The following ZNF469 variants were observed in gnomAD, a reference collection of about 807,000 sequenced individuals.
The protein encoded by ZNF469 is zinc finger protein 469.
In ZNF469, 1 loss-of-function variant was observed where a neutral mutation model predicts 1.0. That is an observed-to-expected ratio of 1.00 (90% CI 0.35 to 4.73). The LOEUF is 4.73. Ranked by LOEUF, ZNF469 falls within the 30% of genes most tolerant of loss-of-function variation. The pLI is 0.16. For missense variants in ZNF469, 6,100 were observed against 5,356.3 expected (o/e 1.14, Z -4.33); for synonymous variants, 2,703 against 2,363.4 (o/e 1.14, Z -4.17).
At chr16:88,136,603 G>A in the ZNF469 span, among the ~76,000 whole-genome samples, 1 of 152,218 alleles carries the variant, frequency 6.6e-6, no homozygotes, top group Non-Finnish European at 1.5e-5. Context: ...CGTGGGCCCC[G>A]CCCGTGGGGG....
the ZNF469 span, among the ~76,000 whole-genome samples, chr16:88,233,033 C>T: frequency 9.9e-5 from 15 of 152,156 alleles, no homozygotes; most frequent in Admixed American, 8.5e-4. Context: ...GATCCTCAGG[C>T]GCTGGCTCAG....
rs532123606 is a variant in ZNF469 at position 88,428,466 on chromosome 16, C to T, written c.996C>T (p.Pro332=). Residue 332 remains proline, a synonymous_variant, in exon 3 of 3, where the codon CCC becomes CCT. Transcript: ENST00000565624. ...ACCCGCTGCCCACCCAGCCTGCGCC[C>T]TCACCCCTGCCCTGCTACCAGGGCC... ...PAYPLPTQPA[P]SPLPCYQGQP... 1 of 1,549,030 alleles carries T rather than the reference C, an allele frequency of 6.5e-7. No individual in the cohort carries two copies. The highest frequency in any genetic ancestry group is 1.2e-5 in the South Asian group (1 of 84,040).
At chr16:88,301,704 G>T in the ZNF469 span, among the ~76,000 whole-genome samples, 1 of 152,220 alleles carries the variant, frequency 6.6e-6, no homozygotes, top group Non-Finnish European at 1.5e-5. Context: ...CCACTGGTAT[G>T]GGGCAGGGCC....
the ZNF469 span, among the ~76,000 whole-genome samples, chr16:88,208,847 G>T: frequency 6.9e-6 from 1 of 144,112 alleles, no homozygotes; most frequent in African/African-American, 2.6e-5. Context: ...ACATACATGA[G>T]CCACGAGCTC....
the ZNF469 span, among the ~76,000 whole-genome samples, chr16:88,162,575 GT>G: frequency 6.6e-6 from 1 of 152,120 alleles, no homozygotes; most frequent in Admixed American, 6.5e-5. Context: ...AAATAGAACT[GT>G]TTTATAAGTC....
chr16:88,325,940 G>A, the ZNF469 span, among the ~76,000 whole-genome samples: 3 of 152,234 alleles, frequency 2.0e-5, no homozygotes, highest in African/African-American at 7.2e-5. Context: ...TGTACACTGT[G>A]AGCAATAGAG....
the ZNF469 span, among the ~76,000 whole-genome samples, chr16:88,247,547 A>AGTG: frequency 7.1e-4 from 107 of 150,840 alleles, no homozygotes; most frequent in Middle Eastern, 0.011. Context: ...TGAATGAGTG[A>AGTG]ATGAATGAGT....
At chr16:88,413,149 C>G (rs1321831363) in intron 1 of ZNF469, among the ~76,000 whole-genome samples, 1 of 152,220 alleles carries the variant, frequency 6.6e-6, no homozygotes, top group African/African-American at 2.4e-5. Flanking sequence ...GTGCGTAAAG[C>G]TAATTAAAAT....
At chr16:88,243,721 GGATGGGTGGATA>G in the ZNF469 span, among the ~76,000 whole-genome samples, 2 of 150,850 alleles carry the variant, frequency 1.3e-5, no homozygotes, top group East Asian at 2.0e-4. Flanking sequence ...ATAAATGGGT[GGATGGGTGGATA>G]GATGGGTGGA....
At position 88,429,561 on chromosome 16, in the gene ZNF469, G is replaced by C; in HGVS notation, c.2091G>C (p.Val697=). ...ETPFPHEGPE[V]GRGGLQGFPR... is the part of the protein sequence containing the mutation. ...CATTCCCCCACGAGGGCCCCGAGGT[G>C]GGTCGGGGAGGGCTGCAGGGCTTCC... Residue 697 remains valine, a synonymous_variant, in exon 3 of 3, where the codon GTG becomes GTC. Transcript: ENST00000565624. 1 of 1,550,104 alleles carries C rather than the reference G, an allele frequency of 6.5e-7. No individual in the cohort carries two copies. The highest frequency in any genetic ancestry group is 1.4e-5 in the African/African-American group (1 of 73,168).
At chr16:88,212,707 A>C in the ZNF469 span, among the ~76,000 whole-genome samples, 1 of 152,176 alleles carries the variant, frequency 6.6e-6, no homozygotes, top group Admixed American at 6.5e-5. Context: ...TAGCCTCCCA[A>C]GTAGCTAAGA....
the ZNF469 span, among the ~76,000 whole-genome samples, chr16:88,352,416 G>A: frequency 1.3e-5 from 2 of 152,226 alleles, no homozygotes; most frequent in Non-Finnish European, 2.9e-5. Flanking sequence ...AGGGCCTTTT[G>A]GAGGGTGCTG....
At chr16:88,216,067 G>T in the ZNF469 span, among the ~76,000 whole-genome samples, 1 of 151,134 alleles carries the variant, frequency 6.6e-6, no homozygotes, top group African/African-American at 2.4e-5. Flanking sequence ...TTTTTTTTTG[G>T]TACAGATTTT....
At chr16:88,393,784 G>T (rs1904554428) in intron 1 of ZNF469, among the ~76,000 whole-genome samples, 1 of 152,258 alleles carries the variant, frequency 6.6e-6, no homozygotes, top group African/African-American at 2.4e-5. Context: ...GCCAGGGCCG[G>T]TGTGCGACGG....
chr16:88,189,354 A>C, the ZNF469 span, among the ~76,000 whole-genome samples: 1 of 151,976 alleles, frequency 6.6e-6, no homozygotes, highest in African/African-American at 2.4e-5. This position sits in a 1 kb window ranked among gnomAD's most constrained non-coding sequence, Gnocchi z 4.3. Context: ...GTTCTTCCCA[A>C]CCGGGGTCTC....
the ZNF469 span, among the ~76,000 whole-genome samples, chr16:88,374,267 G>C: frequency 6.6e-6 from 1 of 152,344 alleles, no homozygotes; most frequent in African/African-American, 2.4e-5. Context: ...CAAGGAGGCA[G>C]CATAGAGGAG....
At position 88,439,271 on chromosome 16, in the gene ZNF469, A is replaced by C; in HGVS notation, c.11801A>C (p.Gln3934Pro). 6.4e-7 allele frequency: 1 copy of C among 1,550,498 alleles called. No homozygotes were observed. The highest frequency in any genetic ancestry group is 8.7e-7 in the Non-Finnish European group (1 of 1,147,004). ...GAGGCCCAGAGTGACCTCCTCAGCC[A>C]GCTCTTCGGGCAGAGACTAACTGGC... Reference protein sequence around the residue: ...TAEAQSDLLSQLFGQRLTGFK... With the variant: ...TAEAQSDLLSPLFGQRLTGFK... Residue 3934 changes from glutamine (Q) to proline (P), a missense_variant, in exon 3 of 3, where the codon CAG (glutamine) becomes CCG (proline). Transcript: ENST00000565624.
the ZNF469 span, among the ~76,000 whole-genome samples, chr16:88,144,790 C>T: frequency 2.6e-5 from 4 of 152,052 alleles, no homozygotes; most frequent in African/African-American, 7.2e-5. Context: ...GTTTGCTAGA[C>T]GTGTCCATAT....
At position 88,431,040 on chromosome 16, in the gene ZNF469, G is replaced by C; in HGVS notation, c.3570G>C (p.Lys1190Asn). 6.5e-7 allele frequency: 1 copy of C among 1,547,822 alleles called. No individual in the cohort carries two copies. The highest frequency in any genetic ancestry group is 2.0e-5 in the Admixed American group (1 of 50,990). Residue 1190 changes from lysine to asparagine, a missense_variant, in exon 3 of 3, where the codon AAG becomes AAC. Physicochemically the swap from Lys to Asn is moderately conservative, Grantham distance 94. Coordinates refer to ENST00000565624, the MANE Select transcript of ZNF469 (RefSeq NM_001367624.2). ...CGGCCGCCAGGGAGGGAGGCCCCAA[G>C]TGTGCTGATCGCCCCTCAGTGGCCC... The part of the protein sequence containing the change: ...TGAAAREGGP[K>N]CADRPSVAPK...
Sources: gnomAD v4.1 joint callset for allele counts (sites outside exome capture counted in the v4.1 genomes callset) on GRCh38, gnomAD v4.1.1 for gene constraint, Gnocchi (gnomAD v3.1) non-coding constraint, MANE v1.5 for transcripts, NCBI Gene and HGNC (gene_info 2026-07-23, HGNC 2026-07-21) for gene names.